The following MALT1 variants were observed in gnomAD, a reference collection of about 807,000 sequenced individuals.
MALT1 encodes the protein MALT1 paracaspase.
Under a neutral mutation model 85.5 loss-of-function variants are expected in MALT1, and 36 were observed. That is an observed-to-expected ratio of 0.42 (90% CI 0.32 to 0.56). The LOEUF (loss-of-function observed/expected upper bound fraction) is 0.56, where lower values mean the gene tolerates loss of function less well. Ranked by LOEUF, MALT1 falls within the 20% of genes least tolerant of loss-of-function variation. MALT1 has a pLI of 0.10. For synonymous variants in MALT1, 359 were observed against 361.3 expected (o/e 0.99, Z 0.07); for missense variants, 716 against 981.6 (o/e 0.73, Z 3.62).
At chr18:58,683,915 A>C (rs2054359208) in intron 2 of MALT1, among the ~76,000 whole-genome samples, 1 of 151,924 alleles carries the variant, frequency 6.6e-6, no homozygotes, top group African/African-American at 2.4e-5. Context: ...GTAGGGAAAT[A>C]TTATTTGTTT....
At chr18:58,713,294 C>T (rs2054857151) in intron 7 of MALT1, among the ~76,000 whole-genome samples, 1 of 152,026 alleles carries the variant, frequency 6.6e-6, no homozygotes, top group Non-Finnish European at 1.5e-5. Context: ...ACTTATTTTA[C>T]CTATCCATTG....
intron 10 of MALT1, among the ~76,000 whole-genome samples, chr18:58,727,374 G>T (rs1044413135): frequency 6.6e-6 from 1 of 152,120 alleles, no homozygotes; most frequent in African/African-American, 2.4e-5. Context: ...CGCAATCTCG[G>T]CTCACGGCAA....
At chr18:58,728,358 C>T (rs2055094490) in intron 10 of MALT1, among the ~76,000 whole-genome samples, 11 of 152,122 alleles carry the variant, frequency 7.2e-5, no homozygotes, top group Admixed American at 7.2e-4. Flanking sequence ...ATAATCCTAA[C>T]AGTGGGAAGC....
At chr18:58,721,538 T>C (rs1474273209) in intron 9 of MALT1, among the ~76,000 whole-genome samples, 1 of 152,226 alleles carries the variant, frequency 6.6e-6, no homozygotes, top group African/African-American at 2.4e-5. Context: ...TAGAAATCTC[T>C]GAACATGTAC....
chr18:58,751,047 GTGA>G lies in MALT1; in HGVS notation c.*3211_*3213del, dbSNP rs2055439281. On this transcript the variant is annotated 3_prime_UTR_variant, in exon 17 of 17. Coordinates refer to ENST00000649217, the MANE Select transcript of MALT1 (RefSeq NM_006785.4). ...AGCAGCACTGTCCAGTGAACTTGCT[GTGA>G]TGATGGGATGCTTGGTATCCGCACT... is the stretch of plus-strand genomic sequence containing the variant. 6.6e-6 allele frequency: 1 copy of G among 152,262 alleles called. No individual in the cohort carries two copies. Among genetic ancestry groups the G allele is most frequent in the Admixed American group, 6.5e-5 (1 of 15,292 alleles). The allele number at this position is 152,262 out of a possible 1,614,324, so 9.4% of individuals were successfully genotyped here.
At chr18:58,686,491 G>A (rs879915119) in intron 2 of MALT1, among the ~76,000 whole-genome samples, 2 of 152,192 alleles carry the variant, frequency 1.3e-5, no homozygotes, top group Non-Finnish European at 2.9e-5. Context: ...GAGAGAACTA[G>A]CATTGTTGAT....
chr18:58,691,687 T>A (rs2054501951), intron 2 of MALT1: 1 of 154,894 alleles, frequency 6.5e-6, no homozygotes, highest in African/African-American at 2.4e-5. Flanking sequence ...GCTAACGTGG[T>A]GAAACCCCGT....
At chr18:58,747,019 C>G (rs546967732) in intron 16 of MALT1, among the ~76,000 whole-genome samples, 2 of 152,180 alleles carry the variant, frequency 1.3e-5, no homozygotes, top group African/African-American at 4.8e-5. Context: ...TGAGCCACCA[C>G]GCCGGGCCCA....
At chr18:58,713,763 T>C (rs1241015974) in intron 7 of MALT1, among the ~76,000 whole-genome samples, 1 of 152,210 alleles carries the variant, frequency 6.6e-6, no homozygotes, top group African/African-American at 2.4e-5. Context: ...AAATTAAAAG[T>C]TGACTTAAAA....
chr18:58,737,207 C>T (rs2055234604), intron 13 of MALT1, among the ~76,000 whole-genome samples: 1 of 151,904 alleles, frequency 6.6e-6, no homozygotes. Context: ...GGGCCAGGTA[C>T]AGTGGCTCAT....
chr18:58,671,583 G>A lies in MALT1; in HGVS notation c.-61G>A, dbSNP rs1602262917. The A allele has an allele frequency of 1.8e-6, 2 of 1,115,546 alleles. No individual in the cohort carries two copies. The highest frequency in any genetic ancestry group is 1.1e-6 in the Non-Finnish European group (1 of 888,616). The allele number at this position is 1,115,546 out of a possible 1,614,324, so 69.1% of individuals were successfully genotyped here. ...CGGAGGCGAGCGGAAGGTGCCCCGGGGCCGAGGCCCGTGACGGGGCGGGCG... is the reference window on the plus strand; with the variant it reads ...CGGAGGCGAGCGGAAGGTGCCCCGGAGCCGAGGCCCGTGACGGGGCGGGCG... On this transcript the variant is annotated 5_prime_UTR_variant, in exon 1 of 17. Transcript: ENST00000649217.
intron 9 of MALT1, among the ~76,000 whole-genome samples, chr18:58,722,400 T>A (rs2054997321): frequency 6.6e-6 from 1 of 152,226 alleles, no homozygotes; most frequent in Non-Finnish European, 1.5e-5. Context: ...AAAAATGAAC[T>A]TTTAAGGTAC....
At position 58,748,568 on chromosome 18, in the gene MALT1, T is replaced by C; in HGVS notation, c.*726T>C. On this transcript the variant is annotated 3_prime_UTR_variant, in exon 17 of 17. Coordinates refer to ENST00000649217, the MANE Select transcript of MALT1 (RefSeq NM_006785.4). Reference sequence around the variant, plus strand: ...AAACCACATGAGAAGTGATAAAATGTTTGTTAAAGCTAGATAGAGGTTAAG... The same window carrying C: ...AAACCACATGAGAAGTGATAAAATGCTTGTTAAAGCTAGATAGAGGTTAAG... The C allele has an allele frequency of 5.4e-6, 1 of 186,780 alleles. No individual in the cohort carries two copies. The highest frequency in any genetic ancestry group is 1.1e-5 in the Non-Finnish European group (1 of 87,804). 11.6% of individuals were successfully genotyped at this position (186,780 alleles called of 1,614,324 possible). A position where few individuals can be genotyped will look rare whatever the true frequency, so the allele number is the denominator to read the frequency against.
At position 58,749,171 on chromosome 18, in the gene MALT1, A is replaced by C. The variant is rs1166945892; in HGVS notation, c.*1329A>C. 4.6e-6 allele frequency: 1 copy of C among 218,106 alleles called. No homozygotes were observed. 13.5% of individuals were successfully genotyped at this position (218,106 alleles called of 1,614,324 possible). A position where few individuals can be genotyped will look rare whatever the true frequency, so the allele number is the denominator to read the frequency against. ...TATTCACAGTAATTATGTTCTACAG[A>C]ATATTCTCCCATAAACACTGAATTA... is the stretch of plus-strand genomic sequence containing the variant. On this transcript the variant is annotated 3_prime_UTR_variant, in exon 17 of 17. Transcript: ENST00000649217.
intron 10 of MALT1, among the ~76,000 whole-genome samples, chr18:58,726,651 A>T (rs1471900053): frequency 1.3e-5 from 2 of 152,230 alleles, no homozygotes; most frequent in Admixed American, 1.3e-4. Context: ...ACCAGAAATA[A>T]CTGTCCTTAA....
intron 2 of MALT1, chr18:58,691,440 G>T: frequency 2.8e-6 from 1 of 351,600 alleles, no homozygotes; most frequent in South Asian, 2.8e-5. Context: ...TACATGCACA[G>T]ACGGACGTGC....
At chr18:58,679,719 T>C (rs2054292507) in intron 1 of MALT1, among the ~76,000 whole-genome samples, 1 of 152,120 alleles carries the variant, frequency 6.6e-6, no homozygotes, top group Non-Finnish European at 1.5e-5. Context: ...CGGCTAACTT[T>C]TGTATTTTTA....
At chr18:58,710,516 C>G (rs1486621997) in intron 6 of MALT1, among the ~76,000 whole-genome samples, 1 of 152,074 alleles carries the variant, frequency 6.6e-6, no homozygotes, top group Non-Finnish European at 1.5e-5. Context: ...GAGATTCCAT[C>G]TCTAATACAA....
intron 13 of MALT1, among the ~76,000 whole-genome samples, chr18:58,736,733 T>A (rs1382537462): frequency 6.6e-6 from 1 of 152,230 alleles, no homozygotes; most frequent in Non-Finnish European, 1.5e-5. Context: ...TCCTACCATG[T>A]CTGCTTAACC....
Sources: allele counts gnomAD v4.1 joint callset (sites outside exome capture counted in the v4.1 genomes callset), GRCh38; gene constraint gnomAD v4.1.1; transcripts MANE v1.5; gene names NCBI Gene and HGNC (gene_info 2026-07-23, HGNC 2026-07-21).